SMC6: variants seen among roughly 807,000 people sequenced by gnomAD.
The protein encoded by SMC6 is structural maintenance of chromosomes protein 6.
SMC6 carries 79 observed loss-of-function variants against 142.2 expected under a neutral mutation model. The observed-to-expected ratio is 0.56, with a 90% confidence interval of 0.46 to 0.67. The LOEUF is 0.67. Among genes scored for constraint, SMC6 ranks in the 30% least tolerant of loss-of-function variants. The pLI, the probability that SMC6 is intolerant of heterozygous loss-of-function variation, is 0.00. For synonymous variants in SMC6, 411 were observed against 412.4 expected (o/e 1.00, Z 0.04); for missense variants, 1,072 against 1,284.0 (o/e 0.83, Z 2.52).
In SMC6 at chr2:17,718,269, G is replaced by A. The variant is rs1005454744; in HGVS notation, c.946-46C>T. On this transcript the variant is annotated intron_variant, in intron 11 of 27. Coordinates refer to ENST00000448223, the MANE Select transcript of SMC6 (RefSeq NM_001142286.2). ...TGAAGTATATTTTTTCTTCAATAGA[G>A]AGAATTTTAAAAAATAATTATCTAT... 13 of 1,381,470 alleles carry A rather than the reference G, an allele frequency of 9.4e-6. No homozygotes were observed. The African/African-American group carries it at 1.3e-4, about 14-fold the overall frequency. The allele number at this position is 1,381,470 out of a possible 1,614,324, so 85.6% of individuals were successfully genotyped here.
Position 17,707,351 on chromosome 2 carries a change from T to C in SMC6, c.1874A>G (p.Gln625Arg), listed in dbSNP as rs1324506836. 3.2e-6 allele frequency: 5 copies of C among 1,581,892 alleles called. No individual in the cohort carries two copies. The highest frequency in any genetic ancestry group is 2.3e-5 in the East Asian group (1 of 43,450). Residue 625 changes from glutamine to arginine, a missense_variant, in exon 18 of 28, where the codon CAG becomes CGG. Physicochemically the swap from Gln to Arg is conservative, Grantham distance 43 (BLOSUM62 1). Coordinates refer to ENST00000448223, the MANE Select transcript of SMC6 (RefSeq NM_001142286.2). ...ACAATTTTTGGGTGGCTTTTGGGAC[T>C]GCATTACTGCACGAGCTACAGAATT... ...KNNSVARAVM[Q>R]SQKPPKNCRE...
chr2:17,717,491 G>A (rs937167088), intron 12 of SMC6, among the ~76,000 whole-genome samples: 4 of 152,120 alleles, frequency 2.6e-5, no homozygotes, highest in African/African-American at 4.8e-5. Context: ...CTAACATGGT[G>A]AAACCCCGTC....
chr2:17,738,807 T>C (rs1470084450), intron 4 of SMC6, among the ~76,000 whole-genome samples: 4 of 152,172 alleles, frequency 2.6e-5, no homozygotes, highest in Non-Finnish European at 4.4e-5. Flanking sequence ...CACACATCAC[T>C]ATGCCCGGCT....
At position 17,695,650 on chromosome 2, in the gene SMC6, T is replaced by C. The variant is rs529443588; in HGVS notation, c.2533-353A>G. On this transcript the variant is annotated intron_variant, in intron 22 of 27. Transcript: ENST00000448223. ...CTTTAGGGTTGACTCTGAGCACCAA[T>C]GGTATTAAAAACACAAACAAAGACC... Among the ~76,000 whole-genome samples the C allele has an allele frequency of 1.6e-4, 25 of 152,310 alleles. No individual in the cohort carries two copies. The South Asian group carries it at 2.1e-3, about 13-fold the overall frequency.
rs1294248729 is a variant in SMC6 at position 17,731,782 on chromosome 2, C to T, written c.440G>A (p.Ser147Asn). ...TTTATAAGATCGACTTCCATCTATG[C>T]TGATGTGTTGCTGTATAAGTATAGA... The part of the protein sequence containing the change: ...GNSILIQQHI[S>N]IDGSRSYKLK... Residue 147 changes from serine to asparagine, a missense_variant, in exon 6 of 28, where the codon AGC (serine) becomes AAC (asparagine). Ser to Asn is a conservative substitution (Grantham distance 46). This residue lies in a region of SMC6 where 994 missense variants were observed against 1,153.2 expected (regional missense o/e 0.86). Transcript: ENST00000448223. 3.7e-6 allele frequency: 6 copies of T among 1,613,632 alleles called. No individual in the cohort carries two copies. The highest frequency in any genetic ancestry group is 2.7e-5 in the African/African-American group (2 of 74,910).
chr2:17,670,599 G>T, intron 25 of SMC6, 24 bp from the exon 26 acceptor site: 1 of 1,491,530 alleles, frequency 6.7e-7, no homozygotes, highest in South Asian at 1.4e-5. Context: ...AGTTGACAAG[G>T]AACAAAAAAC....
At chr2:17,666,550 T>G in intron 26 of SMC6, 33 bp from the exon 27 acceptor site, 1 of 1,504,888 alleles carries the variant, frequency 6.6e-7, no homozygotes, top group Non-Finnish European at 9.2e-7. Context: ...AGGATTGCTA[T>G]TGTGTAAGTC....
intron 23 of SMC6, among the ~76,000 whole-genome samples, chr2:17,691,270 T>A (rs1340510422): frequency 7.2e-6 from 1 of 138,418 alleles, no homozygotes; most frequent in African/African-American, 2.6e-5. Flanking sequence ...ACCAGAATAC[T>A]ATTCAGCTAC....
intron 9 of SMC6, among the ~76,000 whole-genome samples, chr2:17,725,047 A>G (rs1669547674): frequency 6.6e-6 from 1 of 152,216 alleles, no homozygotes; most frequent in African/African-American, 2.4e-5. Flanking sequence ...AGAAAGTAAG[A>G]CATGTACACA....
intron 9 of SMC6, among the ~76,000 whole-genome samples, chr2:17,723,009 A>G (rs1207838213): frequency 3.3e-5 from 5 of 151,556 alleles, no homozygotes; most frequent in East Asian, 1.9e-4. Context: ...TAAAAAAAAA[A>G]AAAAGAAAAG....
chr2:17,714,605 A>G (rs1234746803), intron 16 of SMC6, among the ~76,000 whole-genome samples: 1 of 152,000 alleles, frequency 6.6e-6, no homozygotes, highest in African/African-American at 2.4e-5. Context: ...CATTTTCCTC[A>G]CTGGTGTAAT....
chr2:17,677,871 T>C (rs2710659), intron 25 of SMC6, among the ~76,000 whole-genome samples: 52,646 of 152,022 alleles, frequency 0.35, 10,048 homozygotes, highest in African/African-American at 0.46. Flanking sequence ...ACAAAAAAGA[T>C]GTTCCAAAAA....
intron 22 of SMC6, 119 bp from the exon 23 acceptor site, chr2:17,695,416 A>G (rs1572280062): frequency 1.4e-6 from 1 of 709,928 alleles, no homozygotes; most frequent in East Asian, 2.8e-5. Flanking sequence ...ATGTATTTTA[A>G]TTACATTTAA....
chr2:17,712,243 G>C (rs559271204), intron 16 of SMC6, among the ~76,000 whole-genome samples: 1 of 152,350 alleles, frequency 6.6e-6, no homozygotes, highest in African/African-American at 2.4e-5. Flanking sequence ...AGTGAATGCA[G>C]TCTCCCCTAG....
intron 17 of SMC6, among the ~76,000 whole-genome samples, chr2:17,708,376 A>G (rs1230811870): frequency 6.6e-6 from 1 of 152,148 alleles, no homozygotes; most frequent in Non-Finnish European, 1.5e-5. Flanking sequence ...AAAAAGTTAT[A>G]GCACCATGCA....
chr2:17,693,936 G>A (rs1418463445), intron 23 of SMC6, among the ~76,000 whole-genome samples: 6 of 145,500 alleles, frequency 4.1e-5, no homozygotes, highest in African/African-American at 1.6e-4. Flanking sequence ...GGGGACAGAG[G>A]CTGCAGTGAG....
chr2:17,741,638 A>T lies in SMC6; in HGVS notation c.212T>A (p.Val71Asp). The T allele has an allele frequency of 6.2e-7, 1 of 1,610,498 alleles. No homozygotes were observed. The highest frequency in any genetic ancestry group is 8.5e-7 in the Non-Finnish European group (1 of 1,178,572). ...MLGPFKFGSN[V>D]NFVVGNNGSG... ...TCCATTGTTGCCAACAACAAAGTTG[A>T]CATTAGAACCAAACTTAAAAGGTCC... Residue 71 changes from valine (V) to aspartate (D), a missense_variant, in exon 4 of 28, where the codon GTC becomes GAC. Val to Asp is a radical substitution (Grantham distance 152, BLOSUM62 -3). Coordinates refer to ENST00000448223, the MANE Select transcript of SMC6 (RefSeq NM_001142286.2).
intron 23 of SMC6, among the ~76,000 whole-genome samples, chr2:17,693,296 C>T (rs897964005): frequency 2.0e-5 from 3 of 152,132 alleles, no homozygotes; most frequent in Admixed American, 6.5e-5. Flanking sequence ...GACCTGGAAC[C>T]AACCCAAATG....
intron 22 of SMC6, among the ~76,000 whole-genome samples, chr2:17,695,869 T>C (rs1446357265): frequency 6.6e-6 from 1 of 152,222 alleles, no homozygotes; most frequent in Non-Finnish European, 1.5e-5. Context: ...CTTCAATTTA[T>C]TCTCCTCTAA....
Sources: allele counts gnomAD v4.1 joint callset (sites outside exome capture counted in the v4.1 genomes callset), GRCh38; gene constraint gnomAD v4.1.1; regional missense constraint gnomAD v4.1.1; transcripts MANE v1.5; gene names NCBI Gene and HGNC (gene_info 2026-07-23, HGNC 2026-07-21).